CEP85L: variants seen among roughly 807,000 people sequenced by gnomAD.
CEP85L encodes centrosomal protein 85L.
Under a neutral mutation model 100.3 loss-of-function variants are expected in CEP85L, and 60 were observed. The ratio of observed to expected loss-of-function variants is 0.60; its 90% CI spans 0.49 to 0.74. The LOEUF is 0.74. Among genes scored for constraint, CEP85L ranks in the 30% least tolerant of loss-of-function variants. CEP85L has a pLI of 0.00. For missense variants in CEP85L, 973 were observed against 936.2 expected (o/e 1.04, Z -0.51); for synonymous variants, 319 against 322.7 (o/e 0.99, Z 0.12).
intron 12 of CEP85L, among the ~76,000 whole-genome samples, chr6:118,466,662 A>G (rs1216467535): frequency 6.6e-6 from 1 of 152,174 alleles, no homozygotes; most frequent in Admixed American, 6.5e-5. Context: ...ATGGTAGAGT[A>G]CAAACTGTGA....
At position 118,565,762 on chromosome 6, in the gene CEP85L, T is replaced by C. The variant is rs2114996645; in HGVS notation, c.787A>G (p.Lys263Glu). ...DMTYSALPES[K>E]PIMTSSEAFE... is the part of the protein sequence containing the mutation. ...GCCTCTGAGCTTGTCATAATGGGCTTGCTTTCAGGTAAGGCACTATATGTC... is the reference window on the plus strand; with the variant it reads ...GCCTCTGAGCTTGTCATAATGGGCTCGCTTTCAGGTAAGGCACTATATGTC... The change falls in exon 3 of 13, where the codon AAG becomes GAG. Residue 263 changes from lysine to glutamate, a missense_variant. By Grantham distance (56) the Lys-to-Glu change is moderately conservative. Around this residue, in one of 3 missense-constraint regions of CEP85L, gnomAD observed 890 missense variants for 844.5 expected, o/e 1.05. Transcript: ENST00000368491. The C allele has an allele frequency of 1.2e-6, 2 of 1,614,214 alleles. No homozygotes were observed. Among genetic ancestry groups the C allele is most frequent in the East Asian group, 4.5e-5 (2 of 44,888 alleles).
intron 4 of CEP85L, among the ~76,000 whole-genome samples, chr6:118,514,072 C>T (rs1231450736): frequency 6.6e-6 from 1 of 152,128 alleles, no homozygotes; most frequent in African/African-American, 2.4e-5. Flanking sequence ...TGAAGATAGA[C>T]TGCTATACTT....
At chr6:118,599,728 C>A (rs1475809804) in intron 2 of CEP85L, among the ~76,000 whole-genome samples, 1 of 151,224 alleles carries the variant, frequency 6.6e-6, no homozygotes, top group Non-Finnish European at 1.5e-5. Flanking sequence ...TATTATGTAC[C>A]CCTGATATGA....
In CEP85L at chr6:118,578,165, T is replaced by C. The variant is rs559681609; in HGVS notation, c.233-11849A>G. Among the ~76,000 whole-genome samples, 4 of 152,306 alleles carry C rather than the reference T, an allele frequency of 2.6e-5. No individual in the cohort carries two copies. The South Asian group carries it at 8.3e-4, about 32-fold the overall frequency. ...TTCCTGCTTGATCTGTAACGAGCAC[T>C]TGTTCCTCAGCTTAATCTGTAACTA... On this transcript the variant is annotated intron_variant, in intron 2 of 12. Coordinates refer to ENST00000368491, the MANE Select transcript of CEP85L (RefSeq NM_001042475.3).
intron 1 of CEP85L, among the ~76,000 whole-genome samples, chr6:118,644,673 T>G (rs1213436772): frequency 6.6e-6 from 1 of 152,106 alleles, no homozygotes; most frequent in East Asian, 1.9e-4. Context: ...AAGATGTCAT[T>G]TTTGACTCCT....
intron 1 of CEP85L, among the ~76,000 whole-genome samples, chr6:118,671,717 C>G (rs1776310653): frequency 6.6e-6 from 1 of 152,108 alleles, no homozygotes; most frequent in African/African-American, 2.4e-5. Flanking sequence ...GAGGGTGGAT[C>G]ACTTGAGGTC....
At chr6:118,588,118 A>G (rs1780973224) in intron 2 of CEP85L, among the ~76,000 whole-genome samples, 2 of 152,224 alleles carry the variant, frequency 1.3e-5, no homozygotes, top group African/African-American at 4.8e-5. Context: ...TCTTTTCTAG[A>G]AACTGCACTA....
At chr6:118,656,410 G>C (rs967806560), upstream of CEP85L, among the ~76,000 whole-genome samples, 1 of 152,216 alleles carries the variant, frequency 6.6e-6, no homozygotes, top group Non-Finnish European at 1.5e-5. Context: ...GGGAGTAAAA[G>C]TTGGAAAGAT....
chr6:118,480,384 G>GT lies in CEP85L; in HGVS notation c.1863+11dup, dbSNP rs1562181351. On this transcript the variant is annotated intron_variant, in intron 9 of 12. Transcript: ENST00000368491. ...ATAGATTTCACGTTTATGATCTAAGGTATCTACTGACCTTACTAGCAGTCT... is the reference window on the plus strand; with the variant it reads ...ATAGATTTCACGTTTATGATCTAAGGTTATCTACTGACCTTACTAGCAGTCT... The GT allele has an allele frequency of 1.4e-6, 2 of 1,435,842 alleles. No individual in the cohort carries two copies. The highest frequency in any genetic ancestry group is 2.0e-6 in the Non-Finnish European group (2 of 1,021,650). The allele number at this position is 1,435,842 out of a possible 1,614,324, so 88.9% of individuals were successfully genotyped here. A position where few individuals can be genotyped will look rare whatever the true frequency, so the allele number is the denominator to read the frequency against.
intron 1 of CEP85L, among the ~76,000 whole-genome samples, chr6:118,645,934 T>A (rs1209229569): frequency 2.7e-4 from 41 of 152,168 alleles, no homozygotes; most frequent in Admixed American, 2.5e-3. Flanking sequence ...GAAAAGTAAT[T>A]TGGGGCCAGG....
At chr6:118,580,704 A>G (rs9489449) in intron 2 of CEP85L, among the ~76,000 whole-genome samples, 107,874 of 152,122 alleles carry the variant, frequency 0.71, 38,964 homozygotes, top group African/African-American at 0.75. Context: ...TGACTCAAAG[A>G]CCTCTGGACC....
intron 7 of CEP85L, 114 bp from the exon 8 acceptor site, chr6:118,482,047 AAAAG>A (rs1773829646): frequency 1.7e-6 from 1 of 580,050 alleles, no homozygotes. Flanking sequence ...AAAAAAAAAA[AAAAG>A]AATCACACTG....
chr6:118,568,364 T>C (rs1779672853), intron 2 of CEP85L, among the ~76,000 whole-genome samples: 1 of 152,216 alleles, frequency 6.6e-6, no homozygotes, highest in Admixed American at 6.5e-5. Context: ...AAATTTCCTA[T>C]GTGCTCAACC....
chr6:118,691,793 C>T (rs1777054574), intron 1 of CEP85L, among the ~76,000 whole-genome samples: 1 of 151,922 alleles, frequency 6.6e-6, no homozygotes, highest in African/African-American at 2.4e-5. Flanking sequence ...TGTGCTCAGC[C>T]ACACCTGAAG....
intron 10 of CEP85L, among the ~76,000 whole-genome samples, chr6:118,476,164 A>G (rs184727866): frequency 2.0e-5 from 3 of 152,332 alleles, no homozygotes; most frequent in African/African-American, 7.2e-5. Flanking sequence ...TTCAAGTTAA[A>G]TCCACCTTTT....
intron 2 of CEP85L, among the ~76,000 whole-genome samples, chr6:118,596,176 A>C (rs1016536819): frequency 6.6e-6 from 1 of 152,092 alleles, no homozygotes; most frequent in Admixed American, 6.5e-5. Context: ...GGATGACCCC[A>C]AAAAATTATA....
At chr6:118,476,546 G>A (rs1773394611) in intron 10 of CEP85L, among the ~76,000 whole-genome samples, 1 of 152,092 alleles carries the variant, frequency 6.6e-6, no homozygotes, top group Admixed American at 6.5e-5. Flanking sequence ...AAGGAGTTAT[G>A]TTCTACCTAT....
intron 1 of CEP85L, among the ~76,000 whole-genome samples, chr6:118,683,917 A>C (rs1230704702): frequency 6.6e-6 from 1 of 152,188 alleles, no homozygotes; most frequent in African/African-American, 2.4e-5. Context: ...AGAGTTGCTC[A>C]TTTTGCCAGA....
chr6:118,630,393 A>T (rs1774069262), intron 2 of CEP85L, among the ~76,000 whole-genome samples: 1 of 152,186 alleles, frequency 6.6e-6, no homozygotes, highest in South Asian at 2.1e-4. Flanking sequence ...AACCTTTGTG[A>T]GAAATGAAGC....
Sources: gnomAD v4.1 joint callset for allele counts (sites outside exome capture counted in the v4.1 genomes callset) on GRCh38, gnomAD v4.1.1 for gene constraint, gnomAD v4.1.1 regional missense constraint, MANE v1.5 for transcripts, NCBI Gene and HGNC (gene_info 2026-07-23, HGNC 2026-07-21) for gene names.